The following ZC2HC1B variants were observed in gnomAD, a reference collection of about 807,000 sequenced individuals.
The protein encoded by ZC2HC1B is zinc finger C2HC domain-containing protein 1B.
Under a neutral mutation model 31.0 loss-of-function variants are expected in ZC2HC1B, and 36 were observed. That is an observed-to-expected ratio of 1.16 (90% CI 0.89 to 1.54). The LOEUF is 1.54. Ranked by LOEUF, ZC2HC1B falls within the 40% of genes most tolerant of loss-of-function variation. The pLI, the probability that ZC2HC1B is intolerant of heterozygous loss-of-function variation, is 0.00. For synonymous variants in ZC2HC1B, 73 were observed against 88.0 expected (o/e 0.83, Z 0.95); for missense variants, 260 against 268.6 (o/e 0.97, Z 0.22).
intron 6 of ZC2HC1B, among the ~76,000 whole-genome samples, chr6:143,910,646 C>T (rs150043961): frequency 0.016 from 2,411 of 152,286 alleles, 32 homozygotes; most frequent in Non-Finnish European, 0.026. Context: ...TCTACATGCT[C>T]CTGTATTGGG....
intron 4 of ZC2HC1B, among the ~76,000 whole-genome samples, chr6:143,889,169 A>G (rs1231234341): frequency 6.6e-6 from 1 of 151,728 alleles, no homozygotes; most frequent in Admixed American, 6.5e-5. Context: ...AGACTATCAT[A>G]TGGTAAAGAT....
chr6:143,919,513 G>C (rs1304500997), intron 6 of ZC2HC1B, among the ~76,000 whole-genome samples: 2 of 152,154 alleles, frequency 1.3e-5, no homozygotes, highest in Non-Finnish European at 2.9e-5. Flanking sequence ...CAGAGCAGAA[G>C]GGGCTTACAA....
At chr6:143,909,656 G>A (rs1777836707) in intron 6 of ZC2HC1B, among the ~76,000 whole-genome samples, 1 of 151,654 alleles carries the variant, frequency 6.6e-6, no homozygotes, top group Admixed American at 6.6e-5. Context: ...ATGTGTCCAG[G>A]AATTTATCCA....
rs904175318 is a variant in ZC2HC1B, at chr6:143,903,447, C to T, written c.598+295C>T. On this transcript the variant is annotated intron_variant, in intron 6 of 7. Transcript: ENST00000237275. This position sits in a 1 kb window ranked among gnomAD's most constrained non-coding sequence, Gnocchi z 4.3. ...AGAGATTGAAAATAGGAGAAGACCA[C>T]GTGTCATATGTTTGTGTTGAAAATA... 6.6e-6 allele frequency among the ~76,000 whole-genome samples: 1 copy of T among 152,160 alleles called. No homozygotes were observed. Among genetic ancestry groups the T allele is most frequent in the African/African-American group, 2.4e-5 (1 of 41,432 alleles).
chr6:143,903,030 TTC>T lies in ZC2HC1B; in HGVS notation c.490-6_490-5del. ...GAAGGTGTTCTCTTTGTCTCTTTCTTTCTCTCTCTGTAGGGTAGGGCTCAGAT... is the reference window on the plus strand; with the variant it reads ...GAAGGTGTTCTCTTTGTCTCTTTCTTTCTCTCTGTAGGGTAGGGCTCAGAT... On this transcript the variant is annotated splice_polypyrimidine_tract_variant and intron_variant, in intron 5 of 7. Coordinates refer to ENST00000237275, the MANE Select transcript of ZC2HC1B (RefSeq NM_001013623.3). The surrounding 1 kb of genome is among the most constrained non-coding windows in gnomAD (Gnocchi z 4.3). The T allele has an allele frequency of 6.4e-7, 1 of 1,551,270 alleles. No individual in the cohort carries two copies. Among genetic ancestry groups the T allele is most frequent in the Non-Finnish European group, 8.7e-7 (1 of 1,146,668 alleles).
intron 5 of ZC2HC1B, 109 bp from the exon 6 acceptor site, chr6:143,902,935 A>G (rs1582964764): frequency 1.0e-6 from 1 of 973,768 alleles, no homozygotes; most frequent in Non-Finnish European, 1.6e-6. Flanking sequence ...GTCCCTGCAG[A>G]TGATACCATT....
rs1207165751 is a variant in ZC2HC1B at position 143,905,698 on chromosome 6, G to A, written c.598+2546G>A. On this transcript the variant is annotated intron_variant, in intron 6 of 7. Coordinates refer to ENST00000237275, the MANE Select transcript of ZC2HC1B (RefSeq NM_001013623.3). This position sits in a 1 kb window ranked among gnomAD's most constrained non-coding sequence, Gnocchi z 4.2. ...ATGGTGATCTCTGTGGGTTTTACAT[G>A]TATGGTTTTTATTATGTTGAGGTAG... 2.0e-5 allele frequency among the ~76,000 whole-genome samples: 3 copies of A among 152,050 alleles called. No homozygotes were observed. Among genetic ancestry groups the A allele is most frequent in the African/African-American group, 4.8e-5 (2 of 41,408 alleles).
intron 6 of ZC2HC1B, among the ~76,000 whole-genome samples, chr6:143,910,048 T>C (rs2128495918): frequency 6.6e-6 from 1 of 152,344 alleles, no homozygotes; most frequent in South Asian, 2.1e-4. Flanking sequence ...CATTTAGTGC[T>C]GTAAATTTTC....
At position 143,866,611 on chromosome 6, in the gene ZC2HC1B, A is replaced by G. The variant is rs138592887; in HGVS notation, c.28+2044A>G. Among the ~76,000 whole-genome samples, 15 of 152,354 alleles carry G rather than the reference A, an allele frequency of 9.8e-5. No homozygotes were observed. In the East Asian group the frequency reaches 1.9e-3, roughly 20 times the overall value. On this transcript the variant is annotated intron_variant, in intron 1 of 7. Coordinates refer to ENST00000237275, the MANE Select transcript of ZC2HC1B (RefSeq NM_001013623.3). Reference sequence around the variant, plus strand: ...CTATTACCTGTGATGCCCTGTATCTACATCTCCATTTTGATGTCATCAAGT... The same window carrying G: ...CTATTACCTGTGATGCCCTGTATCTGCATCTCCATTTTGATGTCATCAAGT...
At chr6:143,927,913 T>G (rs1366726031) in intron 6 of ZC2HC1B, among the ~76,000 whole-genome samples, 1 of 152,204 alleles carries the variant, frequency 6.6e-6, no homozygotes, top group African/African-American at 2.4e-5. Flanking sequence ...TTTCATATGC[T>G]TTTTGGGCAT....
Position 143,884,350 on chromosome 6 carries a change from T to G in ZC2HC1B, c.75T>G (p.Phe25Leu), listed in dbSNP as rs1436808643. 1 of 1,537,272 alleles carries G rather than the reference T, an allele frequency of 6.5e-7. No individual in the cohort carries two copies. The highest frequency in any genetic ancestry group is 2.0e-5 in the Admixed American group (1 of 50,700). Residue 25 changes from phenylalanine (F) to leucine (L), a missense_variant, in exon 2 of 8, where the codon TTT becomes TTG. By Grantham distance (22) the Phe-to-Leu change is conservative (BLOSUM62 0). Coordinates refer to ENST00000237275, the MANE Select transcript of ZC2HC1B (RefSeq NM_001013623.3). This position sits in a 1 kb window ranked among gnomAD's most constrained non-coding sequence, Gnocchi z 5.1. ...LFPCEVCGRRFAADVLERHGP... is the reference protein window; with the variant it reads ...LFPCEVCGRRLAADVLERHGP... ...CCTGTGAAGTCTGTGGAAGACGTTT[T>G]GCAGCAGATGTTCTGGTAAACATAA...
intron 4 of ZC2HC1B, among the ~76,000 whole-genome samples, chr6:143,898,175 T>A (rs1777691204): frequency 6.6e-6 from 1 of 152,194 alleles, no homozygotes; most frequent in South Asian, 2.1e-4. Context: ...TATCATTACT[T>A]ACATATTTAT....
Position 143,913,114 on chromosome 6 carries a change from A to G in ZC2HC1B, c.598+9962A>G, listed in dbSNP as rs1352322447. On this transcript the variant is annotated intron_variant, in intron 6 of 7. Transcript: ENST00000237275. The surrounding 1 kb of genome is among the most constrained non-coding windows in gnomAD (Gnocchi z 5.7). ...CAGTCCAGAACAGCTAAGTCATCCA[A>G]CCAACCCAGGTGACAGCCCTCCCCT... Among the ~76,000 whole-genome samples, 1 of 152,218 alleles carries G rather than the reference A, an allele frequency of 6.6e-6. No individual in the cohort carries two copies. The highest frequency in any genetic ancestry group is 1.5e-5 in the Non-Finnish European group (1 of 68,032).
At chr6:143,867,828 T>C (rs528072176) in intron 1 of ZC2HC1B, among the ~76,000 whole-genome samples, 1 of 152,352 alleles carries the variant, frequency 6.6e-6, no homozygotes, top group South Asian at 2.1e-4. Flanking sequence ...TTGGTTGTTG[T>C]GCCCAGCTAT....
At chr6:143,882,178 A>G (rs2128493789) in intron 1 of ZC2HC1B, among the ~76,000 whole-genome samples, 1 of 151,914 alleles carries the variant, frequency 6.6e-6, no homozygotes, top group South Asian at 2.1e-4. Flanking sequence ...ATGAGATAAC[A>G]TAGGAAAACA....
chr6:143,937,563 C>T, intron 6 of ZC2HC1B, 86 bp from the exon 7 acceptor site: 2 of 1,098,336 alleles, frequency 1.8e-6, no homozygotes, highest in Middle Eastern at 2.4e-4. Flanking sequence ...AACTTTTGAA[C>T]CCATGTGGGG....
At chr6:143,867,498 T>A (rs1264726324) in intron 1 of ZC2HC1B, among the ~76,000 whole-genome samples, 2 of 152,204 alleles carry the variant, frequency 1.3e-5, no homozygotes, top group African/African-American at 2.4e-5. Flanking sequence ...GCATCCAGGA[T>A]CTGCAGAAAT....
chr6:143,918,512 G>A lies in ZC2HC1B; in HGVS notation c.598+15360G>A, dbSNP rs76129392. On this transcript the variant is annotated intron_variant, in intron 6 of 7. Coordinates refer to ENST00000237275, the MANE Select transcript of ZC2HC1B (RefSeq NM_001013623.3). The surrounding 1 kb of genome is among the most constrained non-coding windows in gnomAD (Gnocchi z 4.1). ...TATTTTTTGTCTTTTTCTTTTGAAA[G>A]TTTGATTATAATGTGTCTCAGTGTT... is the stretch of plus-strand genomic sequence containing the variant. 0.034 allele frequency among the ~76,000 whole-genome samples: 5,229 copies of A among 152,096 alleles called. 120 individuals are homozygous for A. The highest frequency in any genetic ancestry group is 0.11 in the South Asian group (541 of 4,822).
intron 6 of ZC2HC1B, among the ~76,000 whole-genome samples, chr6:143,930,335 G>C (rs1167291138): frequency 6.6e-6 from 1 of 150,906 alleles, no homozygotes; most frequent in Non-Finnish European, 1.5e-5. Context: ...AATCATTCAG[G>C]AGCAGGTTGT....
Sources: allele counts gnomAD v4.1 joint callset (sites outside exome capture counted in the v4.1 genomes callset), GRCh38; gene constraint gnomAD v4.1.1; non-coding constraint Gnocchi (gnomAD v3.1); transcripts MANE v1.5; gene names NCBI Gene and HGNC (gene_info 2026-07-23, HGNC 2026-07-21).